ZNF264: variants seen among roughly 807,000 people sequenced by gnomAD.
The protein encoded by ZNF264 is zinc finger protein 264.
Under a neutral mutation model 11.2 loss-of-function variants are expected in ZNF264, and 11 were observed. The observed-to-expected ratio is 0.98, with a 90% CI of 0.62 to 1.63. ZNF264 has a LOEUF of 1.63. Ranked by LOEUF, ZNF264 falls within the 40% of genes most tolerant of loss-of-function variation. The pLI, the probability that ZNF264 is intolerant of heterozygous loss-of-function variation, is 0.00. For missense variants in ZNF264, 752 were observed against 768.1 expected (o/e 0.98, Z 0.25); for synonymous variants, 309 against 279.8 (o/e 1.10, Z -1.04).
intron 2 of ZNF264, chr19:57,195,030 A>G (rs2087202134): frequency 2.6e-6 from 1 of 379,472 alleles, no homozygotes; most frequent in East Asian, 3.7e-5. Context: ...TTAACACAGG[A>G]TGGGAAGCCT....
chr19:57,202,374 G>A (rs2087259558), intron 2 of ZNF264, among the ~76,000 whole-genome samples: 1 of 151,936 alleles, frequency 6.6e-6, no homozygotes, highest in Non-Finnish European at 1.5e-5. Flanking sequence ...CACAGGGGAG[G>A]AGAAAGCCTT....
intron 2 of ZNF264, 35 bp downstream of exon 2, chr19:57,194,036 A>G (rs200529606): frequency 3.8e-6 from 6 of 1,563,452 alleles, no homozygotes; most frequent in Non-Finnish European, 5.2e-6. Flanking sequence ...CATGCAGGTG[A>G]CCTGCCACTT....
chr19:57,198,217 CT>C (rs2122739344), intron 2 of ZNF264, among the ~76,000 whole-genome samples: 1 of 152,060 alleles, frequency 6.6e-6, no homozygotes, highest in African/African-American at 2.4e-5. Flanking sequence ...GAAACCACAT[CT>C]GGTATAGCAG....
rs1010852644 is a variant in ZNF264, at chr19:57,193,369, T to C, written c.34-506T>C. 1.2e-4 allele frequency: 36 copies of C among 297,410 alleles called. 1 individual carries two copies. Among genetic ancestry groups the C allele is most frequent in the Admixed American group, 4.5e-4 (7 of 15,446 alleles). 18.4% of individuals were successfully genotyped at this position (297,410 alleles called of 1,614,324 possible). Reference sequence around the variant, plus strand: ...CAACTGTTACTGGTGGGAAGTGTTATTGTATTGATCCAGAAATCAAGGCTC... The same window carrying C: ...CAACTGTTACTGGTGGGAAGTGTTACTGTATTGATCCAGAAATCAAGGCTC... On this transcript the variant is annotated intron_variant, in intron 1 of 3. Transcript: ENST00000263095.
chr19:57,206,366 C>T (rs2087292482), intron 3 of ZNF264, among the ~76,000 whole-genome samples: 1 of 152,088 alleles, frequency 6.6e-6, no homozygotes, highest in Non-Finnish European at 1.5e-5. Flanking sequence ...GCCTCAGCCT[C>T]CCGAGTAGCT....
chr19:57,211,183 C>T (rs772599407), intron 3 of ZNF264, among the ~76,000 whole-genome samples, 171 bp from the exon 4 acceptor site: 4 of 152,110 alleles, frequency 2.6e-5, no homozygotes, highest in Non-Finnish European at 2.9e-5. Flanking sequence ...CAGAATATCC[C>T]GAGTCCAAGG....
intron 2 of ZNF264, among the ~76,000 whole-genome samples, chr19:57,197,678 A>G (rs2087221968): frequency 6.6e-6 from 1 of 151,852 alleles, no homozygotes; most frequent in Non-Finnish European, 1.5e-5. Flanking sequence ...GGCATACCCA[A>G]ATGAGGAATG....
chr19:57,211,761 G>T lies in ZNF264; in HGVS notation c.664G>T (p.Glu222Ter). Reference protein sequence around the residue: ...FNKKHLLAGHEKIHSGVKPYE... With the variant: ...FNKKHLLAGH ...CAAGAAACACCTCCTTGCTGGACAT[G>T]AGAAAATTCACTCTGGAGTTAAGCC... The change falls in exon 4 of 4, where the codon GAG (glutamate) becomes TAG (stop). Residue 222 changes from glutamate to a stop codon, truncating the protein, a stop_gained. Transcript: ENST00000263095. LOFTEE classifies it low-confidence loss of function (END_TRUNC). 1 of 1,614,204 alleles carries T rather than the reference G, an allele frequency of 6.2e-7. No homozygotes were observed. Among genetic ancestry groups the T allele is most frequent in the Non-Finnish European group, 8.5e-7 (1 of 1,180,038 alleles).
chr19:57,191,550 G>A lies in ZNF264; in HGVS notation c.-364G>A, dbSNP rs977544301. 43 of 248,914 alleles carry A rather than the reference G, an allele frequency of 1.7e-4. No homozygotes were observed. Among genetic ancestry groups the A allele is most frequent in the African/African-American group, 7.1e-4 (32 of 44,820 alleles). The allele number at this position is 248,914 out of a possible 1,614,324, so 15.4% of individuals were successfully genotyped here. A position where few individuals can be genotyped will look rare whatever the true frequency, so the allele number is the denominator to read the frequency against. On this transcript the variant is annotated 5_prime_UTR_variant, in exon 1 of 4. Coordinates refer to ENST00000263095, the MANE Select transcript of ZNF264 (RefSeq NM_003417.5). ...GAGGTCTGTAGCCACTGAGGGCCCC[G>A]GTCGGGGCCGCTTTGCAGGTCCCTA...
In ZNF264 at chr19:57,211,730, A is replaced by G; in HGVS notation, c.633A>G (p.Val211=). The stretch of plus-strand genomic sequence containing the variant: ...TTAAATGCAGTGAATGTGGAAAAGT[A>G]TTTAACAAGAAACACCTCCTTGCTG... ...NNFKCSECGK[V]FNKKHLLAGH... is the part of the protein sequence containing the mutation. The change falls in exon 4 of 4, where the codon GTA becomes GTG. Residue 211 remains valine (V), a synonymous_variant. Coordinates refer to ENST00000263095, the MANE Select transcript of ZNF264 (RefSeq NM_003417.5). 6.2e-7 allele frequency: 1 copy of G among 1,614,192 alleles called. No homozygotes were observed.
intron 2 of ZNF264, among the ~76,000 whole-genome samples, chr19:57,204,713 G>A (rs946404091): frequency 1.3e-5 from 2 of 152,176 alleles, no homozygotes; most frequent in African/African-American, 4.8e-5. Context: ...GCTCAAAACA[G>A]CACCTGGGAG....
At position 57,191,761 on chromosome 19, in the gene ZNF264, G is replaced by T. The variant is rs1791659558; in HGVS notation, c.-153G>T. On this transcript the variant is annotated 5_prime_UTR_variant, in exon 1 of 4. Coordinates refer to ENST00000263095, the MANE Select transcript of ZNF264 (RefSeq NM_003417.5). ...CGCGGTTGCCACCGAGGAGGCGGCGGCCCTGCGTCTGGAACGCCGTTGCCA... is the reference window on the plus strand; with the variant it reads ...CGCGGTTGCCACCGAGGAGGCGGCGTCCCTGCGTCTGGAACGCCGTTGCCA... The T allele has an allele frequency of 2.0e-6, 1 of 496,502 alleles. No homozygotes were observed. Among genetic ancestry groups the T allele is most frequent in the Non-Finnish European group, 3.2e-6 (1 of 314,382 alleles). 30.8% of individuals were successfully genotyped at this position (496,502 alleles called of 1,614,324 possible).
chr19:57,198,670 C>A (rs2087229866), intron 2 of ZNF264, among the ~76,000 whole-genome samples: 1 of 151,818 alleles, frequency 6.6e-6, no homozygotes, highest in Non-Finnish European at 1.5e-5. Context: ...AACTGGAGGA[C>A]CACAATGATG....
At chr19:57,202,032 C>T (rs1442685016) in intron 2 of ZNF264, among the ~76,000 whole-genome samples, 1 of 151,598 alleles carries the variant, frequency 6.6e-6, no homozygotes, top group Non-Finnish European at 1.5e-5. Flanking sequence ...AAAGTGAGAC[C>T]CAGCCTCTAC....
chr19:57,199,880 G>A (rs929554710), intron 2 of ZNF264, among the ~76,000 whole-genome samples: 1 of 151,704 alleles, frequency 6.6e-6, no homozygotes, highest in Admixed American at 6.6e-5. Context: ...AGGCAGCACA[G>A]GGTTTATCTC....
intron 1 of ZNF264, 100 bp downstream of exon 1, chr19:57,192,046 A>T: frequency 8.5e-7 from 1 of 1,175,560 alleles, no homozygotes. Context: ...TTGTCTTCGC[A>T]GTCGTCGTTC....
At chr19:57,207,404 C>T (rs993419695) in intron 3 of ZNF264, among the ~76,000 whole-genome samples, 3 of 152,152 alleles carry the variant, frequency 2.0e-5, no homozygotes, top group African/African-American at 7.2e-5. Context: ...TGGAAGAGGT[C>T]TTGCCCCAGT....
intron 3 of ZNF264, among the ~76,000 whole-genome samples, chr19:57,210,413 C>T (rs769160456): frequency 6.6e-6 from 1 of 152,182 alleles, no homozygotes; most frequent in Non-Finnish European, 1.5e-5. Flanking sequence ...TTCTCTAAAA[C>T]CTGTTTTAGT....
rs1256395268 is a variant in ZNF264, at chr19:57,222,473, G to C, written c.*9492G>C. The C allele has an allele frequency of 2.0e-5, 3 of 151,686 alleles. No individual in the cohort carries two copies. Among genetic ancestry groups the C allele is most frequent in the Non-Finnish European group, 2.9e-5 (2 of 67,990 alleles). The allele number at this position is 151,686 out of a possible 1,614,324, so 9.4% of individuals were successfully genotyped here. On this transcript the variant is annotated 3_prime_UTR_variant, in exon 4 of 4. Transcript: ENST00000263095. ...TTAGTGATGAAAAGGTACAGAGAGA[G>C]TCTTTCAAGAAAGGACCTAGTCTGC... is the stretch of plus-strand genomic sequence containing the variant.
Sources: allele counts gnomAD v4.1 joint callset (sites outside exome capture counted in the v4.1 genomes callset), GRCh38; gene constraint gnomAD v4.1.1; transcripts MANE v1.5; gene names NCBI Gene and HGNC (gene_info 2026-07-23, HGNC 2026-07-21).